HINT3: variants seen among roughly 807,000 people sequenced by gnomAD.
HINT3 encodes adenosine 5'-monophosphoramidase HINT3.
In HINT3, 16 loss-of-function variants were observed where a neutral mutation model predicts 19.1. The observed-to-expected ratio is 0.84, with a 90% CI of 0.57 to 1.27. The LOEUF (loss-of-function observed/expected upper bound fraction) is 1.27. Ranked by LOEUF, HINT3 falls within the 50% of genes most tolerant of loss-of-function variation. The pLI, the probability that HINT3 is intolerant of heterozygous loss-of-function variation, is 0.00. For missense variants in HINT3, 197 were observed against 225.8 expected, an observed-to-expected ratio of 0.87 and a Z score of 0.82; for synonymous variants, 75 against 84.8, an observed-to-expected ratio of 0.88 and a Z score of 0.63.
chr6:125,956,790 G>A lies in HINT3; in HGVS notation c.-188G>A. Reference sequence around the variant, plus strand: ...GCGCCCTCTAGTGGCAGCCGGTTTTGAGGCCGGCCTCCGGCTTTGAAGTTC... The same window carrying A: ...GCGCCCTCTAGTGGCAGCCGGTTTTAAGGCCGGCCTCCGGCTTTGAAGTTC... On this transcript the variant is annotated 5_prime_UTR_variant, in exon 1 of 5. Coordinates refer to ENST00000229633, the MANE Select transcript of HINT3 (RefSeq NM_138571.5). 3.0e-6 allele frequency: 2 copies of A among 664,192 alleles called. No homozygotes were observed. Among genetic ancestry groups the A allele is most frequent in the South Asian group, 3.9e-5 (2 of 51,052 alleles). 41.1% of individuals were successfully genotyped at this position (664,192 alleles called of 1,614,324 possible).
rs376505888 is a variant in HINT3 at position 125,958,295 on chromosome 6, CT to C, written c.201+1118del. 4.2e-3 allele frequency among the ~76,000 whole-genome samples: 641 copies of C among 152,026 alleles called. 4 individuals carry two copies. Among genetic ancestry groups the C allele is most frequent in the African/African-American group, 0.015 (602 of 41,474 alleles). On this transcript the variant is annotated intron_variant, in intron 1 of 4. Coordinates refer to ENST00000229633, the MANE Select transcript of HINT3 (RefSeq NM_138571.5). ...GAGTTTGAGAGGATGAAAGGCGAGG[CT>C]GGAGAGGTAAACAAGGGACCAGATT...
At chr6:125,968,826 C>A (rs1183784914) in intron 2 of HINT3, among the ~76,000 whole-genome samples, 4 of 151,750 alleles carry the variant, frequency 2.6e-5, no homozygotes, top group Non-Finnish European at 1.5e-5. Context: ...TGAGAAGTGT[C>A]CGTTTATGTC....
Position 125,965,901 on chromosome 6 carries a change from G to C in HINT3, c.202-986G>C, listed in dbSNP as rs534192029. ...AAAATGATAGAAATGGATTAAAATTGATATATAATTATCATGTTTGTTATC... is the reference window on the plus strand; with the variant it reads ...AAAATGATAGAAATGGATTAAAATTCATATATAATTATCATGTTTGTTATC... On this transcript the variant is annotated intron_variant, in intron 1 of 4. Transcript: ENST00000229633. Among the ~76,000 whole-genome samples, 42 of 152,206 alleles carry C rather than the reference G, an allele frequency of 2.8e-4. 1 individual carries two copies. The South Asian group carries it at 8.3e-3, about 30-fold the overall frequency.
intron 1 of HINT3, among the ~76,000 whole-genome samples, chr6:125,963,057 C>T (rs975811880): frequency 6.6e-6 from 1 of 152,010 alleles, no homozygotes; most frequent in African/African-American, 2.4e-5. Flanking sequence ...GAACGTTGTC[C>T]CCTGTTGGAA....
chr6:125,977,479 AATT>A (rs1789195436), intron 4 of HINT3, among the ~76,000 whole-genome samples, 162 bp from the exon 5 acceptor site: 2 of 152,214 alleles, frequency 1.3e-5, no homozygotes, highest in Admixed American at 1.3e-4. Context: ...AATGTAGAAT[AATT>A]ATATATAGAT....
chr6:125,962,237 C>CATATATAT (rs1334416940), intron 1 of HINT3, among the ~76,000 whole-genome samples: 9 of 15,746 alleles, frequency 5.7e-4, no homozygotes, highest in Non-Finnish European at 8.6e-4. Context: ...TATATATACA[C>CATATATAT]ATATATATAT....
At chr6:125,960,655 T>TGGGTGGGGGG (rs1554209588) in intron 1 of HINT3, among the ~76,000 whole-genome samples, 1 of 76,212 alleles carries the variant, frequency 1.3e-5, no homozygotes, top group Non-Finnish European at 2.9e-5. Flanking sequence ...AGACTCTCTC[T>TGGGTGGGGGG]GGGGGGGGGG....
rs1789199238 is a variant in HINT3, at chr6:125,977,775, T to G, written c.*99T>G. The G allele has an allele frequency of 1.5e-6, 1 of 656,902 alleles. No homozygotes were observed. The highest frequency in any genetic ancestry group is 2.6e-6 in the Non-Finnish European group (1 of 384,064). The allele number at this position is 656,902 out of a possible 1,614,324, so 40.7% of individuals were successfully genotyped here. ...TTGCAATTTTAAGATTTGTTGGGTTTTATGAGAGGCTGTTACTTAGTGGCC... is the reference window on the plus strand; with the variant it reads ...TTGCAATTTTAAGATTTGTTGGGTTGTATGAGAGGCTGTTACTTAGTGGCC... On this transcript the variant is annotated 3_prime_UTR_variant, in exon 5 of 5. Coordinates refer to ENST00000229633, the MANE Select transcript of HINT3 (RefSeq NM_138571.5).
At chr6:125,969,733 T>G (rs1360812279) in intron 2 of HINT3, among the ~76,000 whole-genome samples, 2 of 152,106 alleles carry the variant, frequency 1.3e-5, no homozygotes, top group East Asian at 1.9e-4. Context: ...CTACGTATTT[T>G]TGTGTGTGTG....
In HINT3 at chr6:125,974,873, G is replaced by A. The variant is rs1183128006; in HGVS notation, c.416G>A (p.Cys139Tyr). The A allele has an allele frequency of 1.2e-6, 2 of 1,613,952 alleles. No individual in the cohort carries two copies. Among genetic ancestry groups the A allele is most frequent in the Non-Finnish European group, 1.7e-6 (2 of 1,179,944 alleles). Residue 139 changes from cysteine to tyrosine, a missense_variant, in exon 4 of 5, where the codon TGT becomes TAT. Physicochemically the swap from Cys to Tyr is radical, Grantham distance 194 (BLOSUM62 -2). Transcript: ENST00000229633. ...VRMGFHMPPFCSISHLHLHVL... is the reference protein window; with the variant it reads ...VRMGFHMPPFYSISHLHLHVL... ...ATGGGTTTTCATATGCCACCATTCTGTTCCATTTCCCACTTGCACCTTCAT... is the reference window on the plus strand; with the variant it reads ...ATGGGTTTTCATATGCCACCATTCTATTCCATTTCCCACTTGCACCTTCAT...
intron 2 of HINT3, among the ~76,000 whole-genome samples, chr6:125,969,739 G>A (rs996231520): frequency 1.3e-5 from 2 of 152,022 alleles, no homozygotes. Context: ...ATTTTTGTGT[G>A]TGTGTGGCTA....
At chr6:125,960,261 C>A (rs536180985) in intron 1 of HINT3, among the ~76,000 whole-genome samples, 1 of 152,288 alleles carries the variant, frequency 6.6e-6, no homozygotes, top group Non-Finnish European at 1.5e-5. Flanking sequence ...TTCCCACTTT[C>A]CAGCAGCAGC....
chr6:125,975,581 G>GTTTTTTTT (rs149094456), intron 4 of HINT3, among the ~76,000 whole-genome samples: 58 of 143,614 alleles, frequency 4.0e-4, no homozygotes, highest in African/African-American at 1.4e-3. Context: ...TGGCTGAAGA[G>GTTTTTTTT]TTGTTTTTTT....
chr6:125,957,792 C>A (rs949820231), intron 1 of HINT3, among the ~76,000 whole-genome samples: 2 of 152,160 alleles, frequency 1.3e-5, no homozygotes, highest in Non-Finnish European at 2.9e-5. Flanking sequence ...TATTTTTAAA[C>A]GGATAATCTG....
chr6:125,970,674 G>A (rs1478240554), intron 2 of HINT3, among the ~76,000 whole-genome samples: 1 of 152,096 alleles, frequency 6.6e-6, no homozygotes, highest in Non-Finnish European at 1.5e-5. Flanking sequence ...CAAGGAATAT[G>A]ACTATAATTG....
intron 1 of HINT3, among the ~76,000 whole-genome samples, chr6:125,957,878 G>T (rs1788862967): frequency 6.6e-6 from 1 of 152,250 alleles, no homozygotes; most frequent in South Asian, 2.1e-4. Context: ...CAAAGATTGT[G>T]TCTTTTGTAG....
chr6:125,959,656 A>G (rs986973749), intron 1 of HINT3, among the ~76,000 whole-genome samples: 1 of 152,216 alleles, frequency 6.6e-6, no homozygotes, highest in Non-Finnish European at 1.5e-5. Context: ...GAATTTGGCA[A>G]TCCAGGGGAG....
chr6:125,957,004 C>T lies in HINT3; in HGVS notation c.27C>T (p.Ser9=). MAEEQVNR[S]AGLAPDCEAS... is the part of the protein sequence containing the mutation. ...TGGCGGAGGAACAGGTGAACCGCAG[C>T]GCCGGCCTGGCCCCCGACTGTGAGG... The change falls in exon 1 of 5, where the codon AGC becomes AGT. Residue 9 remains serine (S), a synonymous_variant. Transcript: ENST00000229633. The T allele has an allele frequency of 1.3e-6, 2 of 1,550,382 alleles. No individual in the cohort carries two copies. Among genetic ancestry groups the T allele is most frequent in the Non-Finnish European group, 1.7e-6 (2 of 1,146,810 alleles).
chr6:125,962,221 T>C (rs1279205686), intron 1 of HINT3, among the ~76,000 whole-genome samples: 18 of 40,840 alleles, frequency 4.4e-4, no homozygotes, highest in Admixed American at 9.7e-4. Context: ...CACATATATA[T>C]ATATATATAT....
Sources: allele counts gnomAD v4.1 joint callset (sites outside exome capture counted in the v4.1 genomes callset), GRCh38; gene constraint gnomAD v4.1.1; transcripts MANE v1.5; gene names NCBI Gene and HGNC (gene_info 2026-07-23, HGNC 2026-07-21).